The following ADAM32 variants were observed in gnomAD, a reference collection of about 807,000 sequenced individuals.
ADAM32 encodes disintegrin and metalloproteinase domain-containing protein 32.
ADAM32 carries 89 observed loss-of-function variants against 114.9 expected under a neutral mutation model. The observed-to-expected ratio is 0.77, with a 90% CI of 0.65 to 0.92. The LOEUF (loss-of-function observed/expected upper bound fraction) is 0.92, where lower values mean the gene tolerates loss of function less well. Among genes scored for constraint, ADAM32 ranks in the 40% least tolerant of loss-of-function variants. The pLI, the probability that ADAM32 is intolerant of heterozygous loss-of-function variation, is 0.00. For synonymous variants in ADAM32, 285 were observed against 307.5 expected (o/e 0.93, Z 0.77); for missense variants, 870 against 932.8 (o/e 0.93, Z 0.88).
At chr8:39,118,277 T>G in intron 2 of ADAM32, 112 bp downstream of exon 2, 1 of 560,898 alleles carries the variant, frequency 1.8e-6, no homozygotes, top group Non-Finnish European at 2.8e-6. Context: ...TCTCTTGTAT[T>G]TCTACTGATA....
intron 3 of ADAM32, among the ~76,000 whole-genome samples, chr8:39,146,687 A>G (rs1289767304): frequency 1.3e-5 from 2 of 152,230 alleles, no homozygotes; most frequent in African/African-American, 4.8e-5. Context: ...TTGGGATTAC[A>G]GGTGTGAGCC....
chr8:39,122,154 A>C (rs1840613771), intron 2 of ADAM32, among the ~76,000 whole-genome samples: 1 of 152,094 alleles, frequency 6.6e-6, no homozygotes, highest in African/African-American at 2.4e-5. Flanking sequence ...ATTTAGATGA[A>C]ATTTTGAACT....
At chr8:39,267,772 A>G (rs1812458230) in intron 19 of ADAM32, among the ~76,000 whole-genome samples, 1 of 152,192 alleles carries the variant, frequency 6.6e-6, no homozygotes, top group African/African-American at 2.4e-5. Context: ...TCTAAGCTGA[A>G]CCCGGTTGGC....
intron 10 of ADAM32, among the ~76,000 whole-genome samples, chr8:39,181,857 T>C (rs1805916920): frequency 6.6e-6 from 1 of 152,016 alleles, no homozygotes; most frequent in African/African-American, 2.4e-5. Flanking sequence ...ACTAAGATGA[T>C]GGAGGGGTGG....
intron 14 of ADAM32, among the ~76,000 whole-genome samples, chr8:39,225,469 A>G (rs1809297188): frequency 1.3e-5 from 2 of 152,142 alleles, no homozygotes; most frequent in African/African-American, 4.8e-5. Flanking sequence ...TGGCTACTGC[A>G]TGGTCACTGT....
chr8:39,227,013 G>A, intron 14 of ADAM32, among the ~76,000 whole-genome samples: 1 of 152,178 alleles, frequency 6.6e-6, no homozygotes, highest in East Asian at 1.9e-4. Flanking sequence ...GCGGATGGGA[G>A]GCAGGACTAG....
At chr8:39,241,958 G>A (rs1810591086) in intron 16 of ADAM32, among the ~76,000 whole-genome samples, 1 of 152,154 alleles carries the variant, frequency 6.6e-6, no homozygotes, top group Admixed American at 6.6e-5. Flanking sequence ...TTTTAAAACT[G>A]AATGCCTTTA....
chr8:39,163,735 A>G (rs1804654582), intron 7 of ADAM32, among the ~76,000 whole-genome samples: 1 of 152,220 alleles, frequency 6.6e-6, no homozygotes, highest in South Asian at 2.1e-4. Context: ...TAAATGTAGG[A>G]TGTGTTAGAT....
intron 22 of ADAM32, among the ~76,000 whole-genome samples, chr8:39,277,572 G>A (rs949552625): frequency 3.3e-5 from 5 of 152,326 alleles, no homozygotes; most frequent in African/African-American, 4.8e-5. Flanking sequence ...ACTCCTCATC[G>A]GAGGGAACGC....
At chr8:39,110,810 G>A (rs1348978029) in intron 1 of ADAM32, among the ~76,000 whole-genome samples, 1 of 152,160 alleles carries the variant, frequency 6.6e-6, no homozygotes, top group Non-Finnish European at 1.5e-5. Context: ...AACTGCTGAT[G>A]GTCCCATCAG....
At chr8:39,284,699 A>C in intron 24 of ADAM32, 94 bp from the exon 25 acceptor site, 1 of 1,388,412 alleles carries the variant, frequency 7.2e-7, no homozygotes, top group African/African-American at 1.4e-5. Context: ...GTGCCACATG[A>C]ATTTTCCACT....
intron 19 of ADAM32, among the ~76,000 whole-genome samples, chr8:39,269,714 A>G (rs566700044): frequency 6.6e-6 from 1 of 152,330 alleles, no homozygotes; most frequent in Non-Finnish European, 1.5e-5. Context: ...TTGTAATGGT[A>G]GACTCTTTTA....
rs767174529 is a variant in ADAM32, at chr8:39,151,401, T to C, written c.378T>C (p.Val126=). 1 of 1,590,954 alleles carries C rather than the reference T, an allele frequency of 6.3e-7. No homozygotes were observed. The highest frequency in any genetic ancestry group is 1.2e-5 in the South Asian group (1 of 85,146). The change falls in exon 6 of 25, where the codon GTT becomes GTC. Residue 126 remains valine, a synonymous_variant. Transcript: ENST00000379907. ...GAGGAATACTGCAATTTGAAAATGTTTCTTATGGAATTGAGCCTCTGGAAT... is the reference window on the plus strand; with the variant it reads ...GAGGAATACTGCAATTTGAAAATGTCTCTTATGGAATTGAGCCTCTGGAAT... ...GLRGILQFEN[V]SYGIEPLESA...
chr8:39,181,529 G>A (rs551447933), intron 10 of ADAM32, among the ~76,000 whole-genome samples: 18 of 152,242 alleles, frequency 1.2e-4, no homozygotes, highest in Non-Finnish European at 2.2e-4. Context: ...CACCAATTCC[G>A]GACACATTAA....
intron 1 of ADAM32, among the ~76,000 whole-genome samples, chr8:39,116,884 T>C (rs933521844): frequency 7.0e-5 from 10 of 143,412 alleles, no homozygotes; most frequent in African/African-American, 2.5e-4. Context: ...TTAATGATTA[T>C]GGTTACTTTT....
rs185667307 is a variant in ADAM32 at position 39,266,047 on chromosome 8, G to A, written c.2163-4829G>A. Among the ~76,000 whole-genome samples the A allele has an allele frequency of 4.3e-4, 65 of 152,204 alleles. No individual in the cohort carries two copies. In the East Asian group the frequency reaches 0.012, roughly 29 times the overall value. ...GAAAATTCTGCTGCTAGCCTGTTGG[G>A]GTTCCCTTTGTAGGTGACTTGCCCC... On this transcript the variant is annotated intron_variant, in intron 19 of 24. Coordinates refer to ENST00000379907, the MANE Select transcript of ADAM32 (RefSeq NM_145004.7).
At chr8:39,214,756 C>A (rs954981367) in intron 12 of ADAM32, among the ~76,000 whole-genome samples, 1 of 152,066 alleles carries the variant, frequency 6.6e-6, no homozygotes, top group Non-Finnish European at 1.5e-5. Context: ...CTCAAGAAAT[C>A]TTTGTCCAGT....
At chr8:39,230,843 T>TAA (rs753630895) in intron 14 of ADAM32, among the ~76,000 whole-genome samples, 27 of 152,286 alleles carry the variant, frequency 1.8e-4, no homozygotes, top group Non-Finnish European at 3.8e-4. Flanking sequence ...TAAGAGTGAC[T>TAA]AAATAGCCAT....
chr8:39,155,101 C>G (rs140015237), intron 6 of ADAM32, among the ~76,000 whole-genome samples: 164 of 152,244 alleles, frequency 1.1e-3, no homozygotes, highest in African/African-American at 3.7e-3. Context: ...CTATTTATGA[C>G]AAATCCACAG....
Sources: allele counts gnomAD v4.1 joint callset (sites outside exome capture counted in the v4.1 genomes callset), GRCh38; gene constraint gnomAD v4.1.1; transcripts MANE v1.5; gene names NCBI Gene and HGNC (gene_info 2026-07-23, HGNC 2026-07-21).